The following POMGNT1 variants were observed in gnomAD, a reference collection of about 807,000 sequenced individuals.
POMGNT1 encodes protein O-linked-mannose beta-1,2-N-acetylglucosaminyltransferase 1.
Under a neutral mutation model 95.6 loss-of-function variants are expected in POMGNT1, and 67 were observed. The observed-to-expected ratio is 0.70, with a 90% CI of 0.58 to 0.86. The LOEUF (loss-of-function observed/expected upper bound fraction) is 0.86. Among genes scored for constraint, POMGNT1 ranks in the 40% least tolerant of loss-of-function variants. The pLI is 0.00. For missense variants in POMGNT1, 719 were observed against 855.2 expected, an observed-to-expected ratio of 0.84 and a Z score of 1.99; for synonymous variants, 298 against 317.9, an observed-to-expected ratio of 0.94 and a Z score of 0.66.
At chr1:46,209,514 G>A (rs1157699540) in intron 1 of POMGNT1, among the ~76,000 whole-genome samples, 2 of 151,266 alleles carry the variant, frequency 1.3e-5, no homozygotes, top group East Asian at 3.9e-4. Flanking sequence ...GAAGACTGGA[G>A]ATGTAAGTTC....
At chr1:46,190,011 T>C in intron 19 of POMGNT1, 22 bp from the exon 20 acceptor site, 1 of 1,613,068 alleles carries the variant, frequency 6.2e-7, no homozygotes, top group Non-Finnish European at 8.5e-7. Context: ...GGTGGGAGAA[T>C]ATAGCCAAGA....
rs1487254656 is a variant in POMGNT1, at chr1:46,195,821, C to T, written c.524G>A (p.Cys175Tyr). 1.3e-6 allele frequency: 2 copies of T among 1,594,742 alleles called. No homozygotes were observed. Among genetic ancestry groups the T allele is most frequent in the Admixed American group, 3.5e-5 (2 of 57,406 alleles). The change falls in exon 6 of 22, where the codon TGC becomes TAC. Residue 175 changes from cysteine (C) to tyrosine (Y), a missense_variant. Transcript: ENST00000371984. Reference sequence around the variant, plus strand: ...GACAGAATAACTGACCTTGACAGTGCAGATGAGCACTCGGCCGGGCGCTAC... The same window carrying T: ...GACAGAATAACTGACCTTGACAGTGTAGATGAGCACTCGGCCGGGCGCTAC... Reference protein sequence around the residue: ...NMVAPGRVLICTVKDEGSFHL... With the variant: ...NMVAPGRVLIYTVKDEGSFHL...
chr1:46,195,994 C>A lies in POMGNT1; in HGVS notation c.420+18G>T. 3 of 1,614,070 alleles carry A rather than the reference C, an allele frequency of 1.9e-6. No individual in the cohort carries two copies. The highest frequency in any genetic ancestry group is 2.5e-6 in the Non-Finnish European group (3 of 1,180,014). On this transcript the variant is annotated intron_variant, in intron 5 of 21. Transcript: ENST00000371984. ...GCCCAGCTCCAGCCCTCTGGGTCAC[C>A]CACCCCTAGAAACTCACCGTGGCCT...
In POMGNT1 at chr1:46,193,787, C is replaced by T; in HGVS notation, c.950+68G>A. 15 of 1,605,628 alleles carry T rather than the reference C, an allele frequency of 9.3e-6. No individual in the cohort carries two copies. The South Asian group carries it at 1.3e-4, about 14-fold the overall frequency. On this transcript the variant is annotated intron_variant, in intron 10 of 21. Transcript: ENST00000371984. ...TGCCTTTCTGCCCACCTCAAGAGTT[C>T]CTCCTGGAGGTAGATGACCTAAGCA...
At chr1:46,218,253 G>A (rs1659125063) in intron 1 of POMGNT1, among the ~76,000 whole-genome samples, 1 of 152,178 alleles carries the variant, frequency 6.6e-6, no homozygotes, top group Non-Finnish European at 1.5e-5. Context: ...GCCAGGTGTG[G>A]TGCACGCCTG....
Position 46,189,099 on chromosome 1 carries a change from G to A in POMGNT1, c.*171C>T, listed in dbSNP as rs978902686. 1.5e-5 allele frequency: 22 copies of A among 1,500,898 alleles called. No homozygotes were observed. Among genetic ancestry groups the A allele is most frequent in the Middle Eastern group, 4.1e-4 (2 of 4,900 alleles). 93.0% of individuals were successfully genotyped at this position (1,500,898 alleles called of 1,614,324 possible). Reference sequence around the variant, plus strand: ...ATAAATAGACTTTTAACTCAGGAACGGGGTGTTGGAGCAGGGGAACCCTCC... The same window carrying A: ...ATAAATAGACTTTTAACTCAGGAACAGGGTGTTGGAGCAGGGGAACCCTCC... On this transcript the variant is annotated 3_prime_UTR_variant, in exon 22 of 22. Transcript: ENST00000371984.
chr1:46,203,398 C>A, upstream of POMGNT1: 2 of 1,431,336 alleles, frequency 1.4e-6, no homozygotes, highest in South Asian at 3.1e-5. Flanking sequence ...GGCGTCCGGT[C>A]GCCCAGCCCT....
chr1:46,214,272 G>A (rs1314869048), intron 1 of POMGNT1, among the ~76,000 whole-genome samples: 1 of 151,862 alleles, frequency 6.6e-6, no homozygotes, highest in Non-Finnish European at 1.5e-5. Flanking sequence ...CTTGAACCTG[G>A]GAGGTAGAGG....
At chr1:46,201,039 G>A (rs925863593), upstream of POMGNT1, among the ~76,000 whole-genome samples, 3 of 152,146 alleles carry the variant, frequency 2.0e-5, no homozygotes, top group Non-Finnish European at 4.4e-5. Context: ...GCTGAGGCAG[G>A]AGAATGGCTT....
chr1:46,208,817 G>T (rs1037470915), intron 1 of POMGNT1, among the ~76,000 whole-genome samples: 1 of 152,026 alleles, frequency 6.6e-6, no homozygotes, highest in African/African-American at 2.4e-5. Context: ...CTCCAGCCTG[G>T]ACGACTGTGC....
At chr1:46,210,669 A>G (rs1421965203) in intron 1 of POMGNT1, among the ~76,000 whole-genome samples, 2 of 152,174 alleles carry the variant, frequency 1.3e-5, no homozygotes, top group Non-Finnish European at 2.9e-5. Context: ...GAAGAGATGC[A>G]TGGGGCAAGG....
At chr1:46,211,605 G>A (rs1021918657) in intron 1 of POMGNT1, among the ~76,000 whole-genome samples, 1 of 151,910 alleles carries the variant, frequency 6.6e-6, no homozygotes, top group East Asian at 1.9e-4. Context: ...ATGTTCCTTC[G>A]ATGTCTCATG....
intron 20 of POMGNT1, 105 bp downstream of exon 20, chr1:46,189,746 AGAG>A: frequency 7.0e-6 from 11 of 1,570,974 alleles, no homozygotes; most frequent in Non-Finnish European, 7.8e-6. Context: ...AAGAGTATAA[AGAG>A]GAGGTTCTGA....
intron 1 of POMGNT1, among the ~76,000 whole-genome samples, chr1:46,211,534 A>G (rs1658897151): frequency 6.6e-6 from 1 of 152,060 alleles, no homozygotes; most frequent in Non-Finnish European, 1.5e-5. Flanking sequence ...AGAGCCAAAT[A>G]GCCTACCATT....
rs1362321382 is a variant in POMGNT1 at position 46,194,609 on chromosome 1, G to A, written c.695C>T (p.Ser232Phe). The change falls in exon 8 of 22, where the codon TCT becomes TTT. Residue 232 changes from serine to phenylalanine, a missense_variant. Coordinates refer to ENST00000371984, the MANE Select transcript of POMGNT1 (RefSeq NM_017739.4). ...GEKHSKSPAL[S>F]SWGDPVLLKT... Reference sequence around the variant, plus strand: ...CAGCAGGACTGGGTCCCCCCAGGAAGAGAGGGCAGGTGATTTAGAATGTTT... The same window carrying A: ...CAGCAGGACTGGGTCCCCCCAGGAAAAGAGGGCAGGTGATTTAGAATGTTT... The A allele has an allele frequency of 2.5e-6, 4 of 1,614,116 alleles. No homozygotes were observed. Among genetic ancestry groups the A allele is most frequent in the Admixed American group, 3.3e-5 (2 of 60,012 alleles).
chr1:46,202,684 G>A (rs529953486), upstream of POMGNT1, among the ~76,000 whole-genome samples: 14 of 112,210 alleles, frequency 1.2e-4, no homozygotes, highest in Admixed American at 2.5e-4. Flanking sequence ...GCGACAGAGC[G>A]AGACTCTGTC....
chr1:46,209,467 CTG>C, intron 1 of POMGNT1, among the ~76,000 whole-genome samples: 2 of 152,040 alleles, frequency 1.3e-5, no homozygotes, highest in East Asian at 3.9e-4. Context: ...CCCTCCCTAA[CTG>C]TGCAACCAGG....
At chr1:46,220,047 A>G (rs2148256622) in exon 1 of POMGNT1, 1 of 1,614,222 alleles carries the variant, frequency 6.2e-7, no homozygotes, top group Non-Finnish European at 8.5e-7. Flanking sequence ...GAGGGCCAGG[A>G]CTGAGGTGGA....
chr1:46,196,871 G>T lies in POMGNT1; in HGVS notation c.236-22C>A. The T allele has an allele frequency of 1.2e-6, 2 of 1,614,206 alleles. No homozygotes were observed. The highest frequency in any genetic ancestry group is 1.7e-6 in the Non-Finnish European group (2 of 1,180,040). On this transcript the variant is annotated intron_variant, in intron 3 of 21. Coordinates refer to ENST00000371984, the MANE Select transcript of POMGNT1 (RefSeq NM_017739.4). The surrounding 1 kb of genome is among the most constrained non-coding windows in gnomAD (Gnocchi z 4.4). ...TCATCTGTGGGGTACAACAGGTCATGGAGATAGTCTCCTCAGCAGAGTCTC... is the reference window on the plus strand; with the variant it reads ...TCATCTGTGGGGTACAACAGGTCATTGAGATAGTCTCCTCAGCAGAGTCTC...
Sources: allele counts gnomAD v4.1 joint callset (sites outside exome capture counted in the v4.1 genomes callset), GRCh38; gene constraint gnomAD v4.1.1; non-coding constraint Gnocchi (gnomAD v3.1); transcripts MANE v1.5; gene names NCBI Gene and HGNC (gene_info 2026-07-23, HGNC 2026-07-21).